The following NRXN3 variants were observed in gnomAD, a reference collection of about 807,000 sequenced individuals.
NRXN3 encodes neurexin 3.
Under a neutral mutation model 137.6 loss-of-function variants are expected in NRXN3, and 32 were observed. The ratio of observed to expected loss-of-function variants is 0.23; its 90% CI spans 0.18 to 0.31. NRXN3 has a LOEUF of 0.31. Ranked by LOEUF, NRXN3 falls within the 10% of genes least tolerant of loss-of-function variation. The probability of loss-of-function intolerance (pLI) is 1.00; values close to 1 mark genes in which losing one functional copy is unlikely to be tolerated. For missense variants in NRXN3, 1,574 were observed against 2,062.5 expected (o/e 0.76, Z 4.59); for synonymous variants, 798 against 784.5 (o/e 1.02, Z -0.29).
At chr14:78,282,055 T>G in intron 3 of NRXN3, 1 of 452,892 alleles carries the variant, frequency 2.2e-6, no homozygotes, top group Non-Finnish European at 4.5e-6. Flanking sequence ...GCTTAAAGGG[T>G]ATCCTGTCCA....
At chr14:79,163,149 A>G (rs972957587) in intron 15 of NRXN3, among the ~76,000 whole-genome samples, 1 of 152,060 alleles carries the variant, frequency 6.6e-6, no homozygotes, top group Middle Eastern at 3.4e-3. Flanking sequence ...TTACTTTGAC[A>G]TGTTTACAAA....
At chr14:79,154,957 C>A (rs138554043) in intron 15 of NRXN3, among the ~76,000 whole-genome samples, 6 of 152,062 alleles carry the variant, frequency 3.9e-5, no homozygotes, top group African/African-American at 1.4e-4. Flanking sequence ...CATTTTACTT[C>A]TCTCTTTATG....
At chr14:78,985,528 C>A (rs901510774) in intron 14 of NRXN3, among the ~76,000 whole-genome samples, 1 of 152,128 alleles carries the variant, frequency 6.6e-6, no homozygotes, top group Non-Finnish European at 1.5e-5. Flanking sequence ...GGCATTCAGG[C>A]TGGTCCTTAG....
intron 15 of NRXN3, among the ~76,000 whole-genome samples, chr14:79,112,038 C>T (rs1458796615): frequency 6.6e-6 from 1 of 152,220 alleles, no homozygotes; most frequent in Non-Finnish European, 1.5e-5. Flanking sequence ...GCAATATCCA[C>T]AAAACCTAAT....
chr14:78,948,674 T>A, intron 10 of NRXN3, among the ~76,000 whole-genome samples: 1 of 149,532 alleles, frequency 6.7e-6, no homozygotes, highest in East Asian at 2.0e-4. Flanking sequence ...AGGTTCTGTA[T>A]GCTAGGCCTG....
intron 15 of NRXN3, among the ~76,000 whole-genome samples, chr14:79,286,586 T>C (rs1354716782): frequency 6.7e-6 from 1 of 149,782 alleles, no homozygotes; most frequent in Non-Finnish European, 1.5e-5. Flanking sequence ...CTGGTTGTTC[T>C]AAATCCTAAG....
At chr14:79,499,733 G>A (rs2096800908) in intron 16 of NRXN3, among the ~76,000 whole-genome samples, 1 of 152,042 alleles carries the variant, frequency 6.6e-6, no homozygotes, top group African/African-American at 2.4e-5. Context: ...GTGCAATTTT[G>A]ATCATCTATC....
chr14:79,173,628 A>G (rs1403757965), intron 15 of NRXN3, among the ~76,000 whole-genome samples: 1 of 152,154 alleles, frequency 6.6e-6, no homozygotes, highest in Non-Finnish European at 1.5e-5. Context: ...TGTGTCCATG[A>G]GAATTACAAG....
At chr14:79,064,015 G>C (rs956773629) in intron 15 of NRXN3, among the ~76,000 whole-genome samples, 1 of 152,162 alleles carries the variant, frequency 6.6e-6, no homozygotes, top group Admixed American at 6.5e-5. Context: ...CACAGTGCAA[G>C]TGTGATCCTT....
intron 4 of NRXN3, 62 bp from the exon 5 acceptor site, chr14:78,645,058 T>C (rs2097673491): frequency 1.4e-6 from 2 of 1,413,556 alleles, no homozygotes; most frequent in Non-Finnish European, 1.9e-6. Flanking sequence ...TCTTTGGTAT[T>C]TGCATAGGTC....
intron 20 of NRXN3, among the ~76,000 whole-genome samples, chr14:79,842,209 G>C (rs538773449): frequency 1.3e-5 from 2 of 152,154 alleles, no homozygotes; most frequent in African/African-American, 2.4e-5. Context: ...CCAGTGAAGT[G>C]GGGGAGGACT....
chr14:79,408,423 G>T (rs1367657319), intron 15 of NRXN3, among the ~76,000 whole-genome samples: 1 of 152,058 alleles, frequency 6.6e-6, no homozygotes, highest in East Asian at 1.9e-4. Context: ...TAATAACATG[G>T]TTTGAAGGAT....
intron 4 of NRXN3, among the ~76,000 whole-genome samples, chr14:78,345,219 C>T (rs571503197): frequency 5.1e-4 from 78 of 152,120 alleles, no homozygotes; most frequent in African/African-American, 1.8e-3. Context: ...TTTAACTGTT[C>T]CTTGCTTTAT....
Position 79,286,546 on chromosome 14 carries a change from A to ATATG in NRXN3, c.3263-180672_3263-180671insGTAT, listed in dbSNP as rs1257663206. ...ATGATTGAGAGAATAATATATATATATATATATATATATAGTGTATATATA... is the reference window on the plus strand; with the variant it reads ...ATGATTGAGAGAATAATATATATATATATGTATATATATATATAGTGTATATATA... On this transcript the variant is annotated intron_variant, in intron 15 of 20. Transcript: ENST00000335750. Among the ~76,000 whole-genome samples the ATATG allele has an allele frequency of 4.9e-4, 73 of 147,622 alleles. No individual in the cohort carries two copies. The East Asian group carries it at 0.011, about 23-fold the overall frequency.
rs568692526 is a variant in NRXN3 at position 79,030,544 on chromosome 14, T to C, written c.3262+42403T>C. ...ATTCAATCTTTTTTATTTGTAAGTA[T>C]CTTTGCAGTTTTCTACTTTCAAAAG... On this transcript the variant is annotated intron_variant, in intron 15 of 20. Coordinates refer to ENST00000335750, the MANE Select transcript of NRXN3 (RefSeq NM_001330195.2). Among the ~76,000 whole-genome samples the C allele has an allele frequency of 9.2e-5, 14 of 152,066 alleles. No individual in the cohort carries two copies. The South Asian group carries it at 2.7e-3, about 29-fold the overall frequency.
At chr14:79,500,158 C>T (rs1214419394) in intron 16 of NRXN3, among the ~76,000 whole-genome samples, 1 of 139,710 alleles carries the variant, frequency 7.2e-6, no homozygotes, top group Non-Finnish European at 1.5e-5. Flanking sequence ...ATCTTTAAGT[C>T]ATGATAGATG....
At chr14:79,349,244 C>A (rs764380620) in intron 15 of NRXN3, among the ~76,000 whole-genome samples, 18 of 151,892 alleles carry the variant, frequency 1.2e-4, no homozygotes, top group Non-Finnish European at 2.2e-4. Flanking sequence ...CTAAAAAATT[C>A]AAATTTTACA....
chr14:79,560,060 TAC>T (rs2097475514), intron 16 of NRXN3, among the ~76,000 whole-genome samples: 1 of 152,106 alleles, frequency 6.6e-6, no homozygotes, highest in Non-Finnish European at 1.5e-5. Flanking sequence ...AATGAAAAAT[TAC>T]AGATTTTAAG....
At chr14:79,627,390 C>T (rs1400817816) in intron 16 of NRXN3, among the ~76,000 whole-genome samples, 1 of 152,162 alleles carries the variant, frequency 6.6e-6, no homozygotes, top group Non-Finnish European at 1.5e-5. Flanking sequence ...CTTATCCTTT[C>T]TTCCCTTTGG....
Sources: allele counts gnomAD v4.1 joint callset (sites outside exome capture counted in the v4.1 genomes callset), GRCh38; gene constraint gnomAD v4.1.1; transcripts MANE v1.5; gene names NCBI Gene and HGNC (gene_info 2026-07-23, HGNC 2026-07-21).